Variants in GRID2 observed in about 807,000 individuals in gnomAD.
GRID2 encodes the protein glutamate receptor ionotropic, delta-2.
GRID2 carries 33 observed loss-of-function variants against 114.8 expected under a neutral mutation model. The observed-to-expected ratio is 0.29, with a 90% confidence interval of 0.22 to 0.38. The LOEUF (loss-of-function observed/expected upper bound fraction) is 0.38, where lower values mean the gene tolerates loss of function less well. Among genes scored for constraint, GRID2 ranks in the 10% least tolerant of loss-of-function variants. The pLI is 1.00. For missense variants in GRID2, 1,184 were observed against 1,257.7 expected (o/e 0.94, Z 0.89); for synonymous variants, 505 against 449.9 (o/e 1.12, Z -1.55).
intron 6 of GRID2, among the ~76,000 whole-genome samples, chr4:93,219,067 T>A (rs558369362): frequency 6.6e-6 from 1 of 152,312 alleles, no homozygotes; most frequent in African/African-American, 2.4e-5. Flanking sequence ...AGCCAAACCA[T>A]ATCAATATGC....
At chr4:93,721,448 A>C (rs1729369116) in intron 14 of GRID2, among the ~76,000 whole-genome samples, 1 of 152,340 alleles carries the variant, frequency 6.6e-6, no homozygotes, top group South Asian at 2.1e-4. Context: ...ACAAAAGCTA[A>C]ATATTCAGAT....
chr4:93,290,909 G>C (rs1480173199), intron 8 of GRID2, among the ~76,000 whole-genome samples: 3 of 104,814 alleles, frequency 2.9e-5, no homozygotes, highest in Non-Finnish European at 5.2e-5. Context: ...ATGGAGTCTT[G>C]CTCTGTCGCC....
chr4:93,261,974 A>G (rs1022403192), intron 8 of GRID2, among the ~76,000 whole-genome samples: 2 of 151,600 alleles, frequency 1.3e-5, no homozygotes, highest in Admixed American at 6.6e-5. Context: ...CAAGGGCCAA[A>G]CCATAGTTTA....
At chr4:93,757,345 C>A (rs147481608) in intron 14 of GRID2, among the ~76,000 whole-genome samples, 1 of 152,204 alleles carries the variant, frequency 6.6e-6, no homozygotes, top group Non-Finnish European at 1.5e-5. Flanking sequence ...GAACTCCGTT[C>A]GTCTTTTCAG....
chr4:92,753,449 G>T (rs756962381), intron 2 of GRID2, among the ~76,000 whole-genome samples: 4 of 152,146 alleles, frequency 2.6e-5, no homozygotes, highest in African/African-American at 9.7e-5. Context: ...CAGTTAATGT[G>T]CATAAGCAAT....
chr4:92,880,212 T>C (rs1745910562), intron 2 of GRID2, among the ~76,000 whole-genome samples: 1 of 152,106 alleles, frequency 6.6e-6, no homozygotes, highest in South Asian at 2.1e-4. Context: ...GAAAATGAAA[T>C]ATTTTTGGTG....
At chr4:92,956,698 C>T (rs962489655) in intron 2 of GRID2, among the ~76,000 whole-genome samples, 30 of 152,256 alleles carry the variant, frequency 2.0e-4, no homozygotes, top group African/African-American at 5.8e-4. Context: ...CTGGATCCTA[C>T]GGTACGAGTA....
chr4:92,538,461 A>G (rs533830913), intron 1 of GRID2, among the ~76,000 whole-genome samples: 1 of 152,294 alleles, frequency 6.6e-6, no homozygotes, highest in South Asian at 2.1e-4. Context: ...TTGTAAGAAA[A>G]CAAAACAAAG....
intron 2 of GRID2, among the ~76,000 whole-genome samples, chr4:92,639,838 A>C (rs1731258440): frequency 6.6e-6 from 1 of 151,890 alleles, no homozygotes; most frequent in Non-Finnish European, 1.5e-5. Flanking sequence ...AAATGAGATT[A>C]CATATGTAAA....
intron 3 of GRID2, among the ~76,000 whole-genome samples, chr4:93,110,404 G>A (rs1732652818): frequency 6.6e-6 from 1 of 152,128 alleles, no homozygotes; most frequent in African/African-American, 2.4e-5. Flanking sequence ...AAGGAAAATA[G>A]GGAATGTCTT....
At chr4:93,547,645 T>C (rs894367946) in intron 13 of GRID2, among the ~76,000 whole-genome samples, 18 of 152,220 alleles carry the variant, frequency 1.2e-4, no homozygotes, top group African/African-American at 4.1e-4. Context: ...TAAGTACTTC[T>C]GTCACCCAAT....
intron 1 of GRID2, among the ~76,000 whole-genome samples, chr4:92,332,988 G>T: frequency 6.6e-6 from 1 of 152,156 alleles, no homozygotes; most frequent in Middle Eastern, 3.2e-3. Context: ...GGCTGGAATT[G>T]TACTCTGGGG....
Position 93,232,998 on chromosome 4 carries a change from G to C in GRID2, c.1126-5373G>C, listed in dbSNP as rs76258066. ...GAAATACCAAGTGTTCTAGAAATAT[G>C]TCATTGGAGGGCCTACTTAGGCCTG... On this transcript the variant is annotated intron_variant, in intron 7 of 15. Transcript: ENST00000282020. 4.0e-3 allele frequency among the ~76,000 whole-genome samples: 610 copies of C among 152,268 alleles called. 9 individuals are homozygous for C. Among genetic ancestry groups the C allele is most frequent in the Admixed American group, 0.021 (326 of 15,288 alleles).
chr4:93,468,489 T>C (rs1425449024), intron 11 of GRID2, among the ~76,000 whole-genome samples: 1 of 152,200 alleles, frequency 6.6e-6, no homozygotes, highest in Non-Finnish European at 1.5e-5. Flanking sequence ...TTTGTTGCAG[T>C]AAGCCTCTTT....
At chr4:92,539,423 G>A (rs990598432) in intron 1 of GRID2, among the ~76,000 whole-genome samples, 2 of 151,992 alleles carry the variant, frequency 1.3e-5, no homozygotes, top group African/African-American at 4.8e-5. Flanking sequence ...TTTCAAGGTA[G>A]AAATATAATT....
At chr4:93,085,398 T>C in intron 3 of GRID2, 119 bp downstream of exon 3, 1 of 781,470 alleles carries the variant, frequency 1.3e-6, no homozygotes, top group Non-Finnish European at 2.1e-6. Context: ...TCTTGTCTTG[T>C]CATATTTTTC....
intron 1 of GRID2, among the ~76,000 whole-genome samples, chr4:92,445,463 A>C (rs2149072991): frequency 6.6e-6 from 1 of 152,334 alleles, no homozygotes; most frequent in East Asian, 1.9e-4. Context: ...ATATTGAAGG[A>C]GATTTTATTA....
At chr4:92,999,388 TA>T (rs1225967340) in intron 2 of GRID2, among the ~76,000 whole-genome samples, 1 of 151,850 alleles carries the variant, frequency 6.6e-6, no homozygotes, top group Non-Finnish European at 1.5e-5. Flanking sequence ...TTTAACAGGA[TA>T]CTCACCTTCT....
At chr4:92,573,217 T>G (rs568361657) in intron 1 of GRID2, among the ~76,000 whole-genome samples, 127 of 152,294 alleles carry the variant, frequency 8.3e-4, no homozygotes, top group African/African-American at 2.9e-3. Flanking sequence ...ATTTCTTTTC[T>G]TCTTTATTAT....
Sources: gnomAD v4.1 joint callset for allele counts (sites outside exome capture counted in the v4.1 genomes callset) on GRCh38, gnomAD v4.1.1 for gene constraint, MANE v1.5 for transcripts, NCBI Gene and HGNC (gene_info 2026-07-23, HGNC 2026-07-21) for gene names.